The following MTMR3 variants were observed in gnomAD, a reference collection of about 807,000 sequenced individuals.
The protein encoded by MTMR3 is myotubularin related protein 3.
Under a neutral mutation model 132.4 loss-of-function variants are expected in MTMR3, and 32 were observed. The ratio of observed to expected loss-of-function variants is 0.24; its 90% CI spans 0.18 to 0.32. The LOEUF (loss-of-function observed/expected upper bound fraction) is 0.32. MTMR3 is among the 10% of genes least tolerant of loss of function. The pLI, the probability that MTMR3 is intolerant of heterozygous loss-of-function variation, is 1.00. For missense variants in MTMR3, 1,216 were observed against 1,489.6 expected, an observed-to-expected ratio of 0.82 and a Z score of 3.02; for synonymous variants, 556 against 550.3, an observed-to-expected ratio of 1.01 and a Z score of -0.14.
intron 2 of MTMR3, among the ~76,000 whole-genome samples, chr22:29,967,911 T>C (rs907648607): frequency 2.4e-5 from 3 of 123,508 alleles, no homozygotes; most frequent in African/African-American, 1.0e-4. Context: ...AACTCCATTA[T>C]ATATACTGTG....
At chr22:29,969,333 C>G (rs1236267063) in intron 2 of MTMR3, among the ~76,000 whole-genome samples, 1 of 152,158 alleles carries the variant, frequency 6.6e-6, no homozygotes, top group Non-Finnish European at 1.5e-5. Context: ...AATTAATCCA[C>G]TCAAATCCTA....
At chr22:29,892,302 C>CT (rs1402938214) in intron 1 of MTMR3, among the ~76,000 whole-genome samples, 2 of 152,082 alleles carry the variant, frequency 1.3e-5, no homozygotes, top group African/African-American at 4.8e-5. Context: ...TGTAAGTACT[C>CT]TATTTCTTCT....
intron 1 of MTMR3, among the ~76,000 whole-genome samples, chr22:29,889,306 T>C (rs1233031206): frequency 6.7e-6 from 1 of 149,028 alleles, no homozygotes; most frequent in Non-Finnish European, 1.5e-5. Context: ...TTTTTTTTTT[T>C]AGATGGCGTC....
intron 1 of MTMR3, among the ~76,000 whole-genome samples, chr22:29,891,736 A>G (rs2064803725): frequency 6.6e-6 from 1 of 151,968 alleles, no homozygotes; most frequent in African/African-American, 2.4e-5. Context: ...CATATGTTAT[A>G]CTTGCTTTGG....
chr22:30,001,532 A>G (rs1294122677), intron 8 of MTMR3: 4 of 152,216 alleles, frequency 2.6e-5, no homozygotes, highest in Non-Finnish European at 5.9e-5. Flanking sequence ...TAGCCCGGGT[A>G]ACAGAACAAC....
chr22:29,929,249 C>G (rs1166387800), intron 1 of MTMR3, among the ~76,000 whole-genome samples: 1 of 151,984 alleles, frequency 6.6e-6, no homozygotes, highest in Admixed American at 6.6e-5. Context: ...CCATTACACT[C>G]CAGCCTGGGT....
Position 30,020,561 on chromosome 22 carries a change from G to A in MTMR3, c.2902G>A (p.Asp968Asn), listed in dbSNP as rs760522952. The A allele has an allele frequency of 5.0e-6, 8 of 1,614,196 alleles. No homozygotes were observed. In the South Asian group the frequency reaches 8.8e-5, roughly 18 times the overall value. The change falls in exon 17 of 20, where the codon GAC (aspartate) becomes AAC (asparagine). Residue 968 changes from aspartate (D) to asparagine (N), a missense_variant. By Grantham distance (23) the Asp-to-Asn change is conservative. Coordinates refer to ENST00000401950, the MANE Select transcript of MTMR3 (RefSeq NM_021090.4). ...CANGEAGRSK[D>N]SLSRQLSAMS... Reference sequence around the variant, plus strand: ...CAATGGGGAGGCTGGTAGGAGCAAGGACTCACTGAGCCGTCAGCTGTCTGC... The same window carrying A: ...CAATGGGGAGGCTGGTAGGAGCAAGAACTCACTGAGCCGTCAGCTGTCTGC...
In MTMR3 at chr22:30,030,556, A is replaced by G. The variant is rs887906207; in HGVS notation, c.*4755A>G. On this transcript the variant is annotated 3_prime_UTR_variant, in exon 20 of 20. Coordinates refer to ENST00000401950, the MANE Select transcript of MTMR3 (RefSeq NM_021090.4). ...GGGTTGTCACTGTGGTTCTCCTGCC[A>G]GTGCTATAATCCAGTGTCGTAGGTG... 1.4e-5 allele frequency: 2 copies of G among 143,862 alleles called. No homozygotes were observed. 8.9% of individuals were successfully genotyped at this position (143,862 alleles called of 1,614,324 possible). A position where few individuals can be genotyped will look rare whatever the true frequency, so the allele number is the denominator to read the frequency against.
rs1446203159 is a variant in MTMR3, at chr22:30,012,570, C to T, written c.1317+7C>T. 5 of 1,592,156 alleles carry T rather than the reference C, an allele frequency of 3.1e-6. No individual in the cohort carries two copies. Among genetic ancestry groups the T allele is most frequent in the African/African-American group, 2.7e-5 (2 of 74,086 alleles). On this transcript the variant is annotated splice_region_variant and intron_variant, in intron 13 of 19. Coordinates refer to ENST00000401950, the MANE Select transcript of MTMR3 (RefSeq NM_021090.4). The stretch of plus-strand genomic sequence containing the variant: ...TTATTACCGAACCATAGAGGTGAGC[C>T]CATCCAAATGGGAGGGGTTGGTACT...
At chr22:29,891,325 A>ATGTG (rs200697928) in intron 1 of MTMR3, among the ~76,000 whole-genome samples, 1 of 149,080 alleles carries the variant, frequency 6.7e-6, no homozygotes. Context: ...GTATGTATGT[A>ATGTG]TGTGTGTGTG....
chr22:29,912,874 T>C (rs2065240959), intron 1 of MTMR3, among the ~76,000 whole-genome samples: 1 of 152,218 alleles, frequency 6.6e-6, no homozygotes, highest in South Asian at 2.1e-4. Flanking sequence ...CTGTTTTAGC[T>C]GGCTTGCCTA....
intron 1 of MTMR3, among the ~76,000 whole-genome samples, chr22:29,893,367 A>G (rs940336649): frequency 3.3e-5 from 5 of 152,162 alleles, no homozygotes; most frequent in African/African-American, 1.2e-4. Context: ...GCAAGACTGT[A>G]TATTTGTATG....
chr22:29,954,207 G>A (rs112775644), intron 1 of MTMR3, among the ~76,000 whole-genome samples: 15,176 of 151,340 alleles, frequency 0.1, 780 homozygotes, highest in Middle Eastern at 0.14. Flanking sequence ...TCAGCCTCCC[G>A]AGTACCTGGG....
At chr22:29,898,898 A>G (rs539615173) in intron 1 of MTMR3, among the ~76,000 whole-genome samples, 1 of 142,458 alleles carries the variant, frequency 7.0e-6, no homozygotes, top group African/African-American at 2.6e-5. Flanking sequence ...AAAATTTACA[A>G]AAATTTCTCA....
At chr22:29,949,123 ACACACACACACACACACACACCCCCCCCC>A (rs1221711320) in intron 1 of MTMR3, among the ~76,000 whole-genome samples, 2 of 27,418 alleles carry the variant, frequency 7.3e-5, no homozygotes, top group African/African-American at 4.6e-4. Context: ...ACACACACAC[ACACACACACACACACACACACCCCCCCCC>A]CCCCCCCCGA....
At chr22:29,939,452 C>T (rs1293512285) in intron 1 of MTMR3, among the ~76,000 whole-genome samples, 1 of 152,158 alleles carries the variant, frequency 6.6e-6, no homozygotes, top group Non-Finnish European at 1.5e-5. Flanking sequence ...GATTATCTCA[C>T]TCTTGAGATA....
At chr22:29,971,194 C>G in intron 3 of MTMR3, 132 bp downstream of exon 3, 1 of 899,800 alleles carries the variant, frequency 1.1e-6, no homozygotes, top group Non-Finnish European at 1.6e-6. Context: ...TTTCCCAGAT[C>G]TCTTGTGTCT....
chr22:29,954,668 T>C (rs1457680533), intron 1 of MTMR3, among the ~76,000 whole-genome samples: 1 of 152,224 alleles, frequency 6.6e-6, no homozygotes, highest in Non-Finnish European at 1.5e-5. Context: ...GAATAAATTA[T>C]CACGTGATTT....
intron 14 of MTMR3, chr22:30,014,846 C>T (rs1461378697): frequency 6.6e-6 from 1 of 151,908 alleles, no homozygotes; most frequent in Non-Finnish European, 1.5e-5. Context: ...CCCCCTTGCT[C>T]AGCCTCCAGG....
Sources: gnomAD v4.1 joint callset for allele counts (sites outside exome capture counted in the v4.1 genomes callset) on GRCh38, gnomAD v4.1.1 for gene constraint, MANE v1.5 for transcripts, NCBI Gene and HGNC (gene_info 2026-07-23, HGNC 2026-07-21) for gene names.